The following EPB41L1 variants were observed in gnomAD, a reference collection of about 807,000 sequenced individuals.
EPB41L1 encodes erythrocyte membrane protein band 4.1 like 1.
EPB41L1 carries 29 observed loss-of-function variants against 97.8 expected under a neutral mutation model. The ratio of observed to expected loss-of-function variants is 0.30; its 90% confidence interval spans 0.22 to 0.40. The LOEUF is 0.40. Ranked by LOEUF, EPB41L1 falls within the 10% of genes least tolerant of loss-of-function variation. The probability of loss-of-function intolerance (pLI) is 1.00; values close to 1 mark genes in which losing one functional copy is unlikely to be tolerated. For synonymous variants in EPB41L1, 383 were observed against 459.2 expected (o/e 0.83, Z 2.12); for missense variants, 812 against 1,162.3 (o/e 0.70, Z 4.38).
At chr20:36,157,987 C>T (rs1600658157) in intron 1 of EPB41L1, among the ~76,000 whole-genome samples, 1 of 152,176 alleles carries the variant, frequency 6.6e-6, no homozygotes, top group Non-Finnish European at 1.5e-5. Flanking sequence ...TTATTATGTG[C>T]CAGGCCCAGT....
intron 1 of EPB41L1, chr20:36,155,860 C>T (rs2060274724): frequency 6.3e-6 from 2 of 317,856 alleles, no homozygotes; most frequent in Admixed American, 8.1e-5. Flanking sequence ...GATTTAGGAC[C>T]TCTCCAGGGC....
At chr20:36,220,955 C>T (rs186476735) in intron 19 of EPB41L1, among the ~76,000 whole-genome samples, 107 of 152,282 alleles carry the variant, frequency 7.0e-4, no homozygotes, top group Admixed American at 1.8e-3. Context: ...CCTCTGCCTG[C>T]GCCTCTACAG....
chr20:36,114,627 G>C (rs2058528257), intron 2 of EPB41L1, among the ~76,000 whole-genome samples: 2 of 152,152 alleles, frequency 1.3e-5, no homozygotes, highest in African/African-American at 2.4e-5. Context: ...AGTGGATCCT[G>C]GGGCAGTTCA....
intron 17 of EPB41L1, among the ~76,000 whole-genome samples, chr20:36,216,794 G>A (rs545877231): frequency 6.6e-6 from 1 of 152,272 alleles, no homozygotes; most frequent in African/African-American, 2.4e-5. Context: ...CCCAGGCTGG[G>A]GTGGGGCTGG....
intron 12 of EPB41L1, among the ~76,000 whole-genome samples, 172 bp downstream of exon 12, chr20:36,194,532 C>T (rs1356329710): frequency 6.6e-6 from 1 of 152,292 alleles, no homozygotes; most frequent in Non-Finnish European, 1.5e-5. Context: ...TGGCCCTTGC[C>T]GGGATGGGGT....
At chr20:36,140,871 G>A (rs2059612484) in intron 2 of EPB41L1, among the ~76,000 whole-genome samples, 1 of 152,174 alleles carries the variant, frequency 6.6e-6, no homozygotes, top group Non-Finnish European at 1.5e-5. Flanking sequence ...GGCCCAAGAT[G>A]GAAGAGCCCA....
At position 36,092,557 on chromosome 20, in the gene EPB41L1, C is replaced by T. The variant is rs1166008555; in HGVS notation, c.-65+945C>T. 2 of 151,954 alleles carry T rather than the reference C, an allele frequency of 1.3e-5. No individual in the cohort carries two copies. Among genetic ancestry groups the T allele is most frequent in the Admixed American group, 1.3e-4 (2 of 15,248 alleles). 9.4% of individuals were successfully genotyped at this position (151,954 alleles called of 1,614,324 possible). A position where few individuals can be genotyped will look rare whatever the true frequency, so the allele number is the denominator to read the frequency against. Reference sequence around the variant, plus strand: ...CGCCGCTGCTTGCTCGTTCGCCCGCCCGCTGCTGCTTGGGGGGCCGGGATC... The same window carrying T: ...CGCCGCTGCTTGCTCGTTCGCCCGCTCGCTGCTGCTTGGGGGGCCGGGATC... On this transcript the variant is annotated intron_variant, in intron 1 of 19. Coordinates refer to the EPB41L1 transcript ENST00000202028. The surrounding 1 kb of genome is among the most constrained non-coding windows in gnomAD (Gnocchi z 7.0).
intron 1 of EPB41L1, chr20:36,110,911 G>A (rs140008158): frequency 1.5e-3 from 235 of 152,328 alleles, no homozygotes; most frequent in African/African-American, 5.5e-3. Flanking sequence ...GTACAACCTA[G>A]TGGTTTAGCT....
At chr20:36,170,773 G>A (rs370463727) in intron 1 of EPB41L1, among the ~76,000 whole-genome samples, 8 of 152,272 alleles carry the variant, frequency 5.3e-5, no homozygotes, top group Non-Finnish European at 8.8e-5. Flanking sequence ...ACTGTCAGTC[G>A]TCTTTTTTGC....
rs1428151429 is a variant in EPB41L1 at position 36,212,557 on chromosome 20, C to T, written c.2184+181C>T. Among the ~76,000 whole-genome samples, 1 of 152,172 alleles carries T rather than the reference C, an allele frequency of 6.6e-6. No homozygotes were observed. The highest frequency in any genetic ancestry group is 1.5e-5 in the Non-Finnish European group (1 of 68,034). ...CTCTCTGAGCTCTGGGGAGGGGCAA[C>T]GGGTAAAGCAGGTTCCTGTCCTGGG... is the stretch of plus-strand genomic sequence containing the variant. On this transcript the variant is annotated intron_variant, in intron 16 of 21. Coordinates refer to ENST00000338074, the MANE Select transcript of EPB41L1 (RefSeq NM_012156.2). This position sits in a 1 kb window ranked among gnomAD's most constrained non-coding sequence, Gnocchi z 4.8.
At chr20:36,137,984 C>T (rs2059483631) in intron 2 of EPB41L1, among the ~76,000 whole-genome samples, 1 of 152,218 alleles carries the variant, frequency 6.6e-6, no homozygotes, top group Admixed American at 6.5e-5. Context: ...CTTTTTGTGA[C>T]TGGCTTTTGT....
intron 2 of EPB41L1, among the ~76,000 whole-genome samples, chr20:36,174,470 A>G (rs1473734318): frequency 6.6e-6 from 1 of 151,736 alleles, no homozygotes; most frequent in Non-Finnish European, 1.5e-5. Flanking sequence ...ACAGAGTCTC[A>G]CCATATTGGC....
intron 1 of EPB41L1, among the ~76,000 whole-genome samples, chr20:36,107,041 C>G (rs982144143): frequency 6.6e-6 from 1 of 151,842 alleles, no homozygotes; most frequent in African/African-American, 2.4e-5. Context: ...TGAGCTCAGG[C>G]AAAGTAATCC....
intron 2 of EPB41L1, among the ~76,000 whole-genome samples, chr20:36,125,164 G>A (rs563642467): frequency 6.6e-6 from 1 of 152,296 alleles, no homozygotes; most frequent in African/African-American, 2.4e-5. Context: ...CAAACCCAGA[G>A]AGAGACAGGC....
At chr20:36,129,204 G>T (rs1291723325) in intron 2 of EPB41L1, among the ~76,000 whole-genome samples, 1 of 152,128 alleles carries the variant, frequency 6.6e-6, no homozygotes, top group Non-Finnish European at 1.5e-5. Flanking sequence ...GGAAACACAG[G>T]TGGTAGAATT....
At chr20:36,215,942 C>G (rs6060861) in intron 17 of EPB41L1, among the ~76,000 whole-genome samples, 1 of 152,066 alleles carries the variant, frequency 6.6e-6, no homozygotes, top group African/African-American at 2.4e-5. Context: ...GCAAGTCACC[C>G]GAACCTCTCC....
At position 36,209,592 on chromosome 20, in the gene EPB41L1, G is replaced by C. The variant is rs529213556; in HGVS notation, c.1773G>C (p.Thr591=). Residue 591 remains threonine (T), a synonymous_variant, in exon 15 of 22, where the codon ACG becomes ACC. Coordinates refer to ENST00000338074, the MANE Select transcript of EPB41L1 (RefSeq NM_012156.2). This position sits in a 1 kb window ranked among gnomAD's most constrained non-coding sequence, Gnocchi z 4.2. ...AGGACCAGGACCAGGAGAGGGACAC[G>C]GTGTTCCTGAAGGACAACCACCTGG... ...GDEDQDQERD[T]VFLKDNHLAI... 36 of 1,614,130 alleles carry C rather than the reference G, an allele frequency of 2.2e-5. No homozygotes were observed. The South Asian group carries it at 3.8e-4, about 17-fold the overall frequency.
chr20:36,208,369 G>A, intron 14 of EPB41L1: 1 of 448,844 alleles, frequency 2.2e-6, no homozygotes, highest in Non-Finnish European at 4.5e-6. Context: ...CCCCTGGGAA[G>A]GGGGGGCGCC....
At position 36,207,485 on chromosome 20, in the gene EPB41L1, C is replaced by T. The variant is rs1363207656; in HGVS notation, c.1669-2003C>T. On this transcript the variant is annotated intron_variant, in intron 14 of 21. Coordinates refer to ENST00000338074, the MANE Select transcript of EPB41L1 (RefSeq NM_012156.2). This position sits in a 1 kb window ranked among gnomAD's most constrained non-coding sequence, Gnocchi z 4.9. ...ATATTTGAGACCCACGGAGCTGAAA[C>T]TCGCCGAATGAGTGAGGGTGAAGCA... The T allele has an allele frequency of 4.7e-6, 6 of 1,289,718 alleles. No homozygotes were observed. Among genetic ancestry groups the T allele is most frequent in the Non-Finnish European group, 3.0e-6 (3 of 988,874 alleles). The allele number at this position is 1,289,718 out of a possible 1,614,324, so 79.9% of individuals were successfully genotyped here. A position where few individuals can be genotyped will look rare whatever the true frequency, so the allele number is the denominator to read the frequency against.
Sources: gnomAD v4.1 joint callset for allele counts (sites outside exome capture counted in the v4.1 genomes callset) on GRCh38, gnomAD v4.1.1 for gene constraint, Gnocchi (gnomAD v3.1) non-coding constraint, MANE v1.5 for transcripts, NCBI Gene and HGNC (gene_info 2026-07-23, HGNC 2026-07-21) for gene names.